XYLT1: variants seen among roughly 807,000 people sequenced by gnomAD.
XYLT1 encodes the protein xylosyltransferase 1.
XYLT1 carries 36 observed loss-of-function variants against 91.3 expected under a neutral mutation model. The ratio of observed to expected loss-of-function variants is 0.39; its 90% CI spans 0.30 to 0.52. The LOEUF (loss-of-function observed/expected upper bound fraction) is 0.52. XYLT1 is among the 20% of genes least tolerant of loss of function. The pLI is 0.68. For missense variants in XYLT1, 1,242 were observed against 1,284.5 expected (o/e 0.97, Z 0.51); for synonymous variants, 588 against 532.0 (o/e 1.11, Z -1.45).
chr16:17,324,996 T>C (rs939355796), intron 2 of XYLT1, among the ~76,000 whole-genome samples: 3 of 151,792 alleles, frequency 2.0e-5, no homozygotes, highest in African/African-American at 7.2e-5. Flanking sequence ...ATGGATGTTA[T>C]TTATTTATAA....
intron 3 of XYLT1, among the ~76,000 whole-genome samples, chr16:17,206,134 G>GGAAGAAAAT (rs1009450977): frequency 6.6e-6 from 1 of 152,124 alleles, no homozygotes; most frequent in African/African-American, 2.4e-5. Flanking sequence ...TTACAAAGTG[G>GGAAGAAAAT]GAAGAGAGGT....
chr16:17,245,476 G>C (rs1046648100), intron 3 of XYLT1, among the ~76,000 whole-genome samples: 1 of 152,168 alleles, frequency 6.6e-6, no homozygotes, highest in African/African-American at 2.4e-5. Flanking sequence ...GAATAAATTA[G>C]TTTACTAATT....
chr16:17,126,935 A>G (rs1011949818), intron 10 of XYLT1, among the ~76,000 whole-genome samples: 5 of 152,240 alleles, frequency 3.3e-5, no homozygotes, highest in African/African-American at 7.2e-5. Flanking sequence ...TGAACAATCA[A>G]TGAGTGACCA....
In XYLT1 at chr16:17,407,010, T is replaced by TA. The variant is rs1555454694; in HGVS notation, c.364-48961dup. Among the ~76,000 whole-genome samples, 5 of 152,150 alleles carry TA rather than the reference T, an allele frequency of 3.3e-5. No individual in the cohort carries two copies. The East Asian group carries it at 9.6e-4, about 29-fold the overall frequency. On this transcript the variant is annotated intron_variant, in intron 1 of 11. Transcript: ENST00000261381. ...GCTTCTTTATTTTTATTTTTTAATT[T>TA]AATTTTTTTGAGACAGAGTCTTGCT...
At chr16:17,111,159 CA>C (rs993881012) in intron 11 of XYLT1, among the ~76,000 whole-genome samples, 1 of 151,374 alleles carries the variant, frequency 6.6e-6, no homozygotes, top group Middle Eastern at 3.4e-3. Context: ...GACTTCATCT[CA>C]AAAAAAAATT....
chr16:17,258,482 G>A (rs560925930), intron 3 of XYLT1, among the ~76,000 whole-genome samples: 1 of 151,996 alleles, frequency 6.6e-6, no homozygotes, highest in South Asian at 2.1e-4. Flanking sequence ...GAGAAGGAAA[G>A]AAGGAGGGAA....
intron 5 of XYLT1, among the ~76,000 whole-genome samples, chr16:17,163,493 C>T (rs556238060): frequency 7.7e-4 from 117 of 152,322 alleles, no homozygotes; most frequent in African/African-American, 2.6e-3. Flanking sequence ...GCCAACTGCA[C>T]CTCTCTGGGC....
intron 3 of XYLT1, among the ~76,000 whole-genome samples, chr16:17,226,517 G>GT (rs1209400815): frequency 6.6e-6 from 1 of 152,226 alleles, no homozygotes; most frequent in Non-Finnish European, 1.5e-5. Flanking sequence ...AGCAGGCACA[G>GT]TGGCTCACAC....
chr16:17,178,510 G>A (rs2031994354), intron 5 of XYLT1, among the ~76,000 whole-genome samples: 1 of 152,172 alleles, frequency 6.6e-6, no homozygotes, highest in Non-Finnish European at 1.5e-5. Context: ...ATGGGTGAGT[G>A]GGTTGGCACT....
At chr16:17,207,058 T>TC (rs1567323007) in intron 3 of XYLT1, among the ~76,000 whole-genome samples, 34 of 146,710 alleles carry the variant, frequency 2.3e-4, no homozygotes, top group East Asian at 2.0e-4. Context: ...CTTTCTTTTT[T>TC]TTTTTTTTTT....
intron 11 of XYLT1, 41 bp from the exon 12 acceptor site, chr16:17,109,058 C>G: frequency 6.7e-7 from 1 of 1,483,900 alleles, no homozygotes; most frequent in South Asian, 1.5e-5. Flanking sequence ...AGAAGAGCCA[C>G]CAATAGGATG....
intron 1 of XYLT1, among the ~76,000 whole-genome samples, chr16:17,358,269 G>A (rs1450345551): frequency 1.3e-5 from 2 of 151,884 alleles, no homozygotes. Context: ...AAGTAGCTAT[G>A]ACTACAGGCA....
intron 1 of XYLT1, among the ~76,000 whole-genome samples, chr16:17,365,294 C>T (rs1035579682): frequency 3.3e-5 from 5 of 152,176 alleles, no homozygotes; most frequent in Non-Finnish European, 2.9e-5. Flanking sequence ...TGTTGCATAA[C>T]GGGGCTTTCT....
intron 1 of XYLT1, among the ~76,000 whole-genome samples, chr16:17,370,955 A>G (rs1295535593): frequency 6.6e-6 from 1 of 152,156 alleles, no homozygotes; most frequent in Non-Finnish European, 1.5e-5. Context: ...TACGGCTGCC[A>G]GTGTGGCTGC....
chr16:17,352,780 A>AT (rs1227047585), intron 2 of XYLT1, among the ~76,000 whole-genome samples: 1 of 152,146 alleles, frequency 6.6e-6, no homozygotes, highest in Non-Finnish European at 1.5e-5. Context: ...GGATGCATTT[A>AT]TTAATATCTA....
intron 1 of XYLT1, among the ~76,000 whole-genome samples, chr16:17,469,136 G>T (rs1284840679): frequency 1.3e-5 from 2 of 152,224 alleles, no homozygotes; most frequent in Non-Finnish European, 2.9e-5. Flanking sequence ...CAGGCATGAA[G>T]AGCTGCACTC....
chr16:17,247,442 G>C (rs2033456996), intron 3 of XYLT1, among the ~76,000 whole-genome samples: 1 of 152,192 alleles, frequency 6.6e-6, no homozygotes. Flanking sequence ...CAGGCTTCCA[G>C]AACCACAAGA....
chr16:17,359,489 C>T (rs990553991), intron 1 of XYLT1, among the ~76,000 whole-genome samples: 3 of 152,208 alleles, frequency 2.0e-5, no homozygotes, highest in African/African-American at 7.2e-5. Context: ...ACGGTGAGCT[C>T]TGCTCAGCTC....
intron 1 of XYLT1, among the ~76,000 whole-genome samples, chr16:17,458,761 C>T (rs978181366): frequency 1.3e-5 from 2 of 152,130 alleles, no homozygotes; most frequent in East Asian, 3.9e-4. Flanking sequence ...TTTTGTTAAC[C>T]CACTTCTTCT....
Sources: allele counts gnomAD v4.1 joint callset (sites outside exome capture counted in the v4.1 genomes callset), GRCh38; gene constraint gnomAD v4.1.1; transcripts MANE v1.5; gene names NCBI Gene and HGNC (gene_info 2026-07-23, HGNC 2026-07-21).